Variants in EPHA3 observed in about 807,000 individuals in gnomAD.
EPHA3 encodes EPH receptor A3.
EPHA3 carries 42 observed loss-of-function variants against 107.1 expected under a neutral mutation model. The ratio of observed to expected loss-of-function variants is 0.39; its 90% CI spans 0.31 to 0.51. EPHA3 has a LOEUF of 0.51. Among genes scored for constraint, EPHA3 ranks in the 20% least tolerant of loss-of-function variants. The pLI, the probability that EPHA3 is intolerant of heterozygous loss-of-function variation, is 0.78. For synonymous variants in EPHA3, 461 were observed against 424.8 expected, an observed-to-expected ratio of 1.09 and a Z score of -1.05; for missense variants, 1,183 against 1,211.2, an observed-to-expected ratio of 0.98 and a Z score of 0.35.
intron 13 of EPHA3, among the ~76,000 whole-genome samples, chr3:89,447,489 GT>G (rs996122994): frequency 8.5e-5 from 13 of 152,212 alleles, no homozygotes; most frequent in African/African-American, 2.6e-4. Flanking sequence ...GAAGTGCTCA[GT>G]TTTACTGAGT....
chr3:89,435,627 T>C (rs1292354593), intron 13 of EPHA3, among the ~76,000 whole-genome samples: 1 of 146,940 alleles, frequency 6.8e-6, no homozygotes, highest in Non-Finnish European at 1.5e-5. Context: ...ATATGTTATA[T>C]ATAAATACTA....
rs1360186520 is a variant in EPHA3, at chr3:89,359,770, CACATATATAT to C, written c.1306+17700_1306+17709del. Among the ~76,000 whole-genome samples the C allele has an allele frequency of 5.7e-3, 789 of 139,350 alleles. 11 individuals are homozygous for C. The highest frequency in any genetic ancestry group is 0.02 in the African/African-American group (727 of 36,258). 91.4% of individuals were successfully genotyped at this position (139,350 alleles called of 152,430 possible). On this transcript the variant is annotated intron_variant, in intron 5 of 16. Coordinates refer to ENST00000336596, the MANE Select transcript of EPHA3 (RefSeq NM_005233.6). ...ATACACATATATACACATATATACA[CACATATATAT>C]ACATATATATACATATATACACATA... is the stretch of plus-strand genomic sequence containing the variant.
intron 11 of EPHA3, among the ~76,000 whole-genome samples, chr3:89,423,852 A>G (rs1423532308): frequency 6.6e-6 from 1 of 151,328 alleles, no homozygotes; most frequent in Non-Finnish European, 1.5e-5. Context: ...TTTTTGAAAA[A>G]TTAAGATCAA....
chr3:89,237,810 A>G (rs536001978), intron 3 of EPHA3, among the ~76,000 whole-genome samples: 20 of 152,174 alleles, frequency 1.3e-4, no homozygotes, highest in Non-Finnish European at 2.8e-4. Context: ...TACAAAAAAT[A>G]AAACAAAATT....
chr3:89,312,840 G>GT (rs1436405556), intron 3 of EPHA3, among the ~76,000 whole-genome samples: 1 of 151,892 alleles, frequency 6.6e-6, no homozygotes, highest in African/African-American at 2.4e-5. Flanking sequence ...GCGGTGTTTG[G>GT]TTTTCTGTTC....
chr3:89,158,157 A>G (rs1398343720), intron 2 of EPHA3, among the ~76,000 whole-genome samples: 1 of 152,172 alleles, frequency 6.6e-6, no homozygotes, highest in Non-Finnish European at 1.5e-5. Flanking sequence ...ACAAAACTAC[A>G]ATGAAAATAA....
At chr3:89,286,880 A>G (rs993902193) in intron 3 of EPHA3, among the ~76,000 whole-genome samples, 10 of 151,006 alleles carry the variant, frequency 6.6e-5, no homozygotes, top group Non-Finnish European at 1.0e-4. Context: ...ACTCTCCTAC[A>G]CTCTTATTCT....
chr3:89,403,564 A>G (rs1189317566), intron 7 of EPHA3, among the ~76,000 whole-genome samples: 1 of 152,194 alleles, frequency 6.6e-6, no homozygotes, highest in Non-Finnish European at 1.5e-5. Context: ...TTTTCCTAGC[A>G]TGAAGGTAGC....
chr3:89,196,095 G>A (rs956416399), intron 2 of EPHA3, among the ~76,000 whole-genome samples: 15 of 151,782 alleles, frequency 9.9e-5, no homozygotes, highest in African/African-American at 3.6e-4. Flanking sequence ...TGTCTACCTT[G>A]GGATTCTTTA....
intron 3 of EPHA3, among the ~76,000 whole-genome samples, chr3:89,247,090 G>A (rs1339148468): frequency 9.9e-5 from 15 of 152,102 alleles, no homozygotes; most frequent in Admixed American, 3.9e-4. Context: ...TCTAGATACC[G>A]GGAATAATTA....
intron 3 of EPHA3, among the ~76,000 whole-genome samples, chr3:89,285,660 G>T (rs1302094084): frequency 6.6e-6 from 1 of 152,176 alleles, no homozygotes; most frequent in African/African-American, 2.4e-5. Context: ...AGAGTTGTTG[G>T]TATATTTCAC....
In EPHA3 at chr3:89,127,266, C is replaced by T. The variant is rs1559743096; in HGVS notation, c.146C>T (p.Ser49Leu). ...QGELGWISYP[S>L]HGWEEISGVD... Reference sequence around the variant, plus strand: ...GAGCTGGGCTGGATCTCTTATCCATCACATGGGGTGAGTTCAATAAACTAT... The same window carrying T: ...GAGCTGGGCTGGATCTCTTATCCATTACATGGGGTGAGTTCAATAAACTAT... The change falls in exon 2 of 17, where the codon TCA (serine) becomes TTA (leucine). Residue 49 changes from serine (S) to leucine (L), a missense_variant. By Grantham distance (145) the Ser-to-Leu change is moderately radical. Coordinates refer to ENST00000336596, the MANE Select transcript of EPHA3 (RefSeq NM_005233.6). 4.3e-6 allele frequency: 7 copies of T among 1,611,544 alleles called. No individual in the cohort carries two copies. In the South Asian group the frequency reaches 7.7e-5, roughly 18 times the overall value.
chr3:89,243,050 C>T (rs1376364616), intron 3 of EPHA3, among the ~76,000 whole-genome samples: 1 of 151,892 alleles, frequency 6.6e-6, no homozygotes, highest in Non-Finnish European at 1.5e-5. Flanking sequence ...TGATGGTTTC[C>T]AGCTTCATCC....
chr3:89,122,526 G>A (rs1707414112), intron 1 of EPHA3, among the ~76,000 whole-genome samples: 2 of 152,136 alleles, frequency 1.3e-5, no homozygotes, highest in Admixed American at 1.3e-4. Flanking sequence ...TAGGTAATTG[G>A]AAAGATCTGC....
rs1024687673 is a variant in EPHA3 at position 89,219,453 on chromosome 3, G to A, written c.814+8933G>A. Among the ~76,000 whole-genome samples, 6 of 151,942 alleles carry A rather than the reference G, an allele frequency of 3.9e-5. No homozygotes were observed. In the South Asian group the frequency reaches 1.0e-3, roughly 26 times the overall value. On this transcript the variant is annotated intron_variant, in intron 3 of 16. Coordinates refer to ENST00000336596, the MANE Select transcript of EPHA3 (RefSeq NM_005233.6). ...GCTGGGATTACAGGCATGAGCCTCC[G>A]TGCCCTGCCCCCCACAACAATTTAT...
At chr3:89,156,623 C>T (rs1174259004) in intron 2 of EPHA3, among the ~76,000 whole-genome samples, 1 of 151,802 alleles carries the variant, frequency 6.6e-6, no homozygotes, top group Non-Finnish European at 1.5e-5. Context: ...AAGCGTTTGC[C>T]ATTTTTTTTC....
At chr3:89,116,036 C>T (rs568327014) in intron 1 of EPHA3, among the ~76,000 whole-genome samples, 2 of 152,266 alleles carry the variant, frequency 1.3e-5, no homozygotes, top group East Asian at 3.9e-4. Context: ...TGTAGTTACA[C>T]TCATAAGTTA....
In EPHA3 at chr3:89,267,643, G is replaced by C. The variant is rs937635810; in HGVS notation, c.814+57123G>C. Among the ~76,000 whole-genome samples, 4 of 152,042 alleles carry C rather than the reference G, an allele frequency of 2.6e-5. No individual in the cohort carries two copies. In the East Asian group the frequency reaches 7.7e-4, roughly 29 times the overall value. ...CTTGGCAAGGAAATATTGCTGTTTA[G>C]CTATTTTTTTTTAAATTAACTTTAT... On this transcript the variant is annotated intron_variant, in intron 3 of 16. Coordinates refer to ENST00000336596, the MANE Select transcript of EPHA3 (RefSeq NM_005233.6).
At chr3:89,468,191 G>T (rs1365345420) in intron 15 of EPHA3, among the ~76,000 whole-genome samples, 1 of 152,098 alleles carries the variant, frequency 6.6e-6, no homozygotes, top group East Asian at 1.9e-4. Flanking sequence ...AGAAATCCTG[G>T]AAGTGGAAAA....
Sources: gnomAD v4.1 joint callset for allele counts (sites outside exome capture counted in the v4.1 genomes callset) on GRCh38, gnomAD v4.1.1 for gene constraint, MANE v1.5 for transcripts, NCBI Gene and HGNC (gene_info 2026-07-23, HGNC 2026-07-21) for gene names.